ANP32B: variants seen among roughly 807,000 people sequenced by gnomAD.
The protein encoded by ANP32B is acidic nuclear phosphoprotein 32 family member B.
In ANP32B, 6 loss-of-function variants were observed where a neutral mutation model predicts 32.2. The ratio of observed to expected loss-of-function variants is 0.19; its 90% CI spans 0.10 to 0.37. The LOEUF is 0.37. Among genes scored for constraint, ANP32B ranks in the 10% least tolerant of loss-of-function variants. The pLI is 1.00. For synonymous variants in ANP32B, 98 were observed against 105.8 expected (o/e 0.93, Z 0.45); for missense variants, 204 against 289.2 (o/e 0.71, Z 2.14).
At position 97,998,830 on chromosome 9, in the gene ANP32B, C is replaced by T. The variant is rs566116512; in HGVS notation, c.327+152C>T. The T allele has an allele frequency of 3.3e-5, 5 of 150,700 alleles. 1 individual carries two copies. Among genetic ancestry groups the T allele is most frequent in the East Asian group, 9.5e-5 (1 of 10,582 alleles). The allele number at this position is 150,700 out of a possible 1,614,324, so 9.3% of individuals were successfully genotyped here. ...TTTTTTTTTTTTTTTTTTTTTGAGA[C>T]GGAGTCTCGCTCTGTCGCCCAGGCT... On this transcript the variant is annotated intron_variant, in intron 3 of 6. Coordinates refer to ENST00000339399, the MANE Select transcript of ANP32B (RefSeq NM_006401.3).
intron 1 of ANP32B, among the ~76,000 whole-genome samples, chr9:97,984,990 TGCGTGG>T (rs1827688394): frequency 1.3e-5 from 2 of 150,574 alleles, no homozygotes; most frequent in African/African-American, 2.4e-5. Flanking sequence ...GCGGCGCGGC[TGCGTGG>T]GCGTGGGTCC....
intron 1 of ANP32B, among the ~76,000 whole-genome samples, chr9:97,985,078 C>T (rs1276692671): frequency 1.3e-5 from 2 of 150,182 alleles, no homozygotes; most frequent in Admixed American, 6.6e-5. Context: ...CCCCCCCCCG[C>T]CGCGGACCGG....
intron 3 of ANP32B, among the ~76,000 whole-genome samples, chr9:98,001,892 TG>T (rs1827999091): frequency 6.6e-6 from 1 of 151,652 alleles, no homozygotes. Flanking sequence ...AGAAATAGCA[TG>T]GCCCTTGTTT....
At chr9:97,984,137 G>A (rs2131577095) in intron 1 of ANP32B, among the ~76,000 whole-genome samples, 1 of 150,204 alleles carries the variant, frequency 6.7e-6, no homozygotes, top group Admixed American at 6.6e-5. Context: ...GCCGAGGTCA[G>A]CAGTCGTGGG....
intron 1 of ANP32B, among the ~76,000 whole-genome samples, chr9:97,986,106 C>A (rs546157965): frequency 2.1e-5 from 3 of 141,710 alleles, no homozygotes; most frequent in Admixed American, 2.1e-4. Flanking sequence ...CAGGCGTGAG[C>A]CACCGCCCCC....
chr9:98,009,964 C>T (rs902421937), intron 4 of ANP32B, among the ~76,000 whole-genome samples: 1 of 152,174 alleles, frequency 6.6e-6, no homozygotes, highest in Non-Finnish European at 1.5e-5. Context: ...GGACATCTCA[C>T]TTATTTCCAA....
At position 98,012,328 on chromosome 9, in the gene ANP32B, TA is replaced by T. The variant is rs1217530412; in HGVS notation, c.637-92del. 2.1e-6 allele frequency: 3 copies of T among 1,419,342 alleles called. No homozygotes were observed. The African/African-American group carries it at 4.4e-5, about 21-fold the overall frequency. 87.9% of individuals were successfully genotyped at this position (1,419,342 alleles called of 1,614,324 possible). ...CCTGCTTGATTGATATTGTTGCATT[TA>T]TTTGTACTTCTTAGTTTGGCAGAAT... is the stretch of plus-strand genomic sequence containing the variant. On this transcript the variant is annotated intron_variant, in intron 5 of 6. Coordinates refer to ENST00000339399, the MANE Select transcript of ANP32B (RefSeq NM_006401.3).
chr9:98,012,318 T>C, intron 5 of ANP32B, 103 bp from the exon 6 acceptor site: 2 of 1,300,280 alleles, frequency 1.5e-6, no homozygotes, highest in Non-Finnish European at 2.1e-6. Flanking sequence ...TTGATTGATA[T>C]TGTTGCATTT....
rs1827764196 is a variant in ANP32B, at chr9:97,987,902, A to T, written c.54+4293A>T. Among the ~76,000 whole-genome samples, 4 of 152,188 alleles carry T rather than the reference A, an allele frequency of 2.6e-5. No individual in the cohort carries two copies. In the South Asian group the frequency reaches 8.3e-4, roughly 31 times the overall value. On this transcript the variant is annotated intron_variant, in intron 1 of 6. Coordinates refer to ENST00000339399, the MANE Select transcript of ANP32B (RefSeq NM_006401.3). ...TCAATTGGATATTCTAGTTGGTTGC[A>T]TAGCAACTAATTGGGGTTTTTTTCC...
intron 1 of ANP32B, among the ~76,000 whole-genome samples, chr9:97,990,978 C>T (rs1445999448): frequency 2.0e-5 from 3 of 152,092 alleles, no homozygotes; most frequent in Admixed American, 1.3e-4. Flanking sequence ...CACCACCATG[C>T]CCGGCACATT....
chr9:98,006,597 A>G lies in ANP32B; in HGVS notation c.517+1444A>G, dbSNP rs138891127. ...TTGAAAAGAAAATACCAAGAGTGCT[A>G]CTTAAATTACAGGTTCATTGCAACA... On this transcript the variant is annotated intron_variant, in intron 4 of 6. Coordinates refer to ENST00000339399, the MANE Select transcript of ANP32B (RefSeq NM_006401.3). Among the ~76,000 whole-genome samples the G allele has an allele frequency of 3.4e-4, 52 of 152,344 alleles. No homozygotes were observed. In the East Asian group the frequency reaches 9.4e-3, roughly 28 times the overall value.
chr9:97,988,230 C>T (rs1251576321), intron 1 of ANP32B, among the ~76,000 whole-genome samples: 3 of 151,972 alleles, frequency 2.0e-5, no homozygotes, highest in Non-Finnish European at 4.4e-5. Context: ...ATTTAAACAT[C>T]CCTCTCAGGT....
At chr9:98,000,151 T>A (rs1827965766) in intron 3 of ANP32B, among the ~76,000 whole-genome samples, 1 of 152,194 alleles carries the variant, frequency 6.6e-6, no homozygotes, top group Admixed American at 6.5e-5. Flanking sequence ...TGCATGTGTA[T>A]ATGTATTCTT....
In ANP32B at chr9:97,998,565, A is replaced by G. The variant is rs1311655242; in HGVS notation, c.214A>G (p.Ser72Gly). The G allele has an allele frequency of 2.5e-6, 4 of 1,608,336 alleles. No individual in the cohort carries two copies. Among genetic ancestry groups the G allele is most frequent in the Non-Finnish European group, 3.4e-6 (4 of 1,178,352 alleles). Residue 72 changes from serine to glycine, a missense_variant, in exon 3 of 7, where the codon AGT becomes GGT. Transcript: ENST00000339399. ...KLPKLKKLEL[S>G]ENRIFGGLDM... Reference sequence around the variant, plus strand: ...CCATTTTCTCTTGCAGCTTGAACTCAGTGAAAATAGAATCTTTGGAGGTCT... The same window carrying G: ...CCATTTTCTCTTGCAGCTTGAACTCGGTGAAAATAGAATCTTTGGAGGTCT...
chr9:97,990,016 G>A (rs1032613223), intron 1 of ANP32B, among the ~76,000 whole-genome samples: 3 of 152,138 alleles, frequency 2.0e-5, no homozygotes, highest in African/African-American at 7.2e-5. Context: ...GGGGTTGGAG[G>A]GGTAGTCTTT....
Position 98,011,371 on chromosome 9 carries a change from C to T in ANP32B, c.618C>T (p.Asp206=), listed in dbSNP as rs376313813. The stretch of plus-strand genomic sequence containing the variant: ...AAGATGTAGAAGGGGATGAGGACGA[C>T]GATGAAGTCAGTGAGGAGGTCAGTG... The part of the protein sequence containing the change: ...EDEDVEGDED[D]DEVSEEEEEF... Residue 206 remains aspartate, a synonymous_variant, in exon 5 of 7, where the codon GAC becomes GAT. Transcript: ENST00000339399. 46 of 1,576,770 alleles carry T rather than the reference C, an allele frequency of 2.9e-5. No homozygotes were observed. Among genetic ancestry groups the T allele is most frequent in the Non-Finnish European group, 3.6e-5 (42 of 1,157,398 alleles).
intron 1 of ANP32B, among the ~76,000 whole-genome samples, 196 bp downstream of exon 1, chr9:97,983,805 C>T (rs1381471194): frequency 6.6e-6 from 1 of 151,846 alleles, no homozygotes; most frequent in Non-Finnish European, 1.5e-5. Context: ...CCCGCGGGCC[C>T]CTGGGGCGGC....
At chr9:97,986,612 C>G (rs977600811) in intron 1 of ANP32B, 2 of 152,254 alleles carry the variant, frequency 1.3e-5, no homozygotes, top group African/African-American at 4.8e-5. Context: ...GGAGATCACT[C>G]TCTTAAAATC....
intron 1 of ANP32B, chr9:97,986,495 T>C (rs922372956): frequency 6.6e-6 from 1 of 152,142 alleles, no homozygotes; most frequent in African/African-American, 2.4e-5. Context: ...GACCTAAAAG[T>C]GAAGGGTTTT....
Sources: gnomAD v4.1 joint callset for allele counts (sites outside exome capture counted in the v4.1 genomes callset) on GRCh38, gnomAD v4.1.1 for gene constraint, MANE v1.5 for transcripts, NCBI Gene and HGNC (gene_info 2026-07-23, HGNC 2026-07-21) for gene names.